Variants in RASGRP1 observed in about 807,000 individuals in gnomAD.
RASGRP1 encodes RAS guanyl releasing protein 1.
Under a neutral mutation model 95.1 loss-of-function variants are expected in RASGRP1, and 37 were observed. That is an observed-to-expected ratio of 0.39 (90% CI 0.30 to 0.51). The LOEUF is 0.51. RASGRP1 is among the 20% of genes least tolerant of loss of function. The pLI is 0.80. For synonymous variants in RASGRP1, 325 were observed against 353.4 expected, an observed-to-expected ratio of 0.92 and a Z score of 0.90; for missense variants, 711 against 965.4, an observed-to-expected ratio of 0.74 and a Z score of 3.49.
intron 2 of RASGRP1, among the ~76,000 whole-genome samples, chr15:38,536,040 C>T (rs928120963): frequency 6.6e-6 from 1 of 152,196 alleles, no homozygotes; most frequent in Non-Finnish European, 1.5e-5. Context: ...TGGGACAACG[C>T]TATGACTTCA....
intron 9 of RASGRP1, among the ~76,000 whole-genome samples, chr15:38,507,323 T>G (rs1404143309): frequency 7.0e-6 from 1 of 143,062 alleles, no homozygotes; most frequent in South Asian, 2.4e-4. Flanking sequence ...ACCCTGGGTG[T>G]TTTTTGTTTG....
chr15:38,501,360 G>C (rs913571010), intron 12 of RASGRP1, 73 bp from the exon 13 acceptor site: 1 of 1,538,550 alleles, frequency 6.5e-7, no homozygotes, highest in African/African-American at 1.4e-5. Flanking sequence ...GGGGCTTCTA[G>C]CCTTAGAAAC....
At chr15:38,506,635 CAAAAAAA>C (rs370153317) in intron 9 of RASGRP1, among the ~76,000 whole-genome samples, 2 of 71,620 alleles carry the variant, frequency 2.8e-5, no homozygotes, top group African/African-American at 5.1e-5. Context: ...ACCTTGTCTC[CAAAAAAA>C]AAAAAAAAAA....
At chr15:38,526,157 C>T (rs577765834) in intron 3 of RASGRP1, 142 bp downstream of exon 3, 893 of 675,792 alleles carry the variant, frequency 1.3e-3, no homozygotes, top group Non-Finnish European at 2.0e-3. Flanking sequence ...ACACATGCAC[C>T]CATACCCCTG....
intron 2 of RASGRP1, among the ~76,000 whole-genome samples, chr15:38,537,352 C>G (rs1892693635): frequency 6.6e-6 from 1 of 152,066 alleles, no homozygotes; most frequent in South Asian, 2.1e-4. Flanking sequence ...AGGAAGCTTA[C>G]AATCATGGTA....
chr15:38,522,036 A>C (rs1358111382), intron 3 of RASGRP1, among the ~76,000 whole-genome samples: 2 of 152,200 alleles, frequency 1.3e-5, no homozygotes, highest in East Asian at 1.9e-4. Flanking sequence ...AAGTTCTTGT[A>C]AATATAAAAA....
At chr15:38,550,392 T>G (rs912180943) in intron 2 of RASGRP1, among the ~76,000 whole-genome samples, 4 of 152,186 alleles carry the variant, frequency 2.6e-5, no homozygotes, top group Admixed American at 1.3e-4. Context: ...TCAAGAATTT[T>G]TAATGGAAGT....
rs1377926983 is a variant in RASGRP1 at position 38,505,820 on chromosome 15, T to G, written c.1323+20A>C. On this transcript the variant is annotated intron_variant, in intron 10 of 16. Coordinates refer to ENST00000310803, the MANE Select transcript of RASGRP1 (RefSeq NM_005739.4). ...TGTAAAGCACCTGTTACATGTGGAGTCTTAATATGAAAAACTCACTGGAGC... is the reference window on the plus strand; with the variant it reads ...TGTAAAGCACCTGTTACATGTGGAGGCTTAATATGAAAAACTCACTGGAGC... 6.4e-7 allele frequency: 1 copy of G among 1,560,282 alleles called. No homozygotes were observed. Among genetic ancestry groups the G allele is most frequent in the Non-Finnish European group, 8.8e-7 (1 of 1,133,622 alleles).
chr15:38,515,943 G>C (rs1482434603), intron 6 of RASGRP1, among the ~76,000 whole-genome samples: 4 of 150,746 alleles, frequency 2.7e-5, no homozygotes, highest in Non-Finnish European at 5.9e-5. Flanking sequence ...TGTGCCCACA[G>C]TATGGTAACT....
chr15:38,493,172 G>A (rs1228296137), intron 16 of RASGRP1, among the ~76,000 whole-genome samples: 3 of 143,808 alleles, frequency 2.1e-5, no homozygotes, highest in African/African-American at 5.1e-5. Context: ...GAGCCACCAC[G>A]CCGGGCCTTT....
chr15:38,530,446 A>G (rs1892390441), intron 2 of RASGRP1, among the ~76,000 whole-genome samples: 1 of 152,232 alleles, frequency 6.6e-6, no homozygotes, highest in South Asian at 2.1e-4. Context: ...GCAATAATGC[A>G]ATCAAACCTA....
Position 38,490,574 on chromosome 15 carries a change from C to T in RASGRP1, c.2374G>A (p.Glu792Lys). The stretch of plus-strand genomic sequence containing the variant: ...CTGGGCTAAGAACAGTCACCCTGCT[C>T]CATTTGAGCTAAGACATGATTGCTT... ...EKSNHVLAQM[E>K]QGDCS The change falls in exon 17 of 17, where the codon GAG becomes AAG. Residue 792 changes from glutamate to lysine, a missense_variant. Around this residue, in one of 3 missense-constraint regions of RASGRP1, gnomAD observed 212 missense variants for 247.8 expected, o/e 0.86. Transcript: ENST00000310803. The T allele has an allele frequency of 6.2e-7, 1 of 1,610,102 alleles. No homozygotes were observed. Among genetic ancestry groups the T allele is most frequent in the Non-Finnish European group, 8.5e-7 (1 of 1,177,430 alleles).
At chr15:38,539,373 G>T (rs1168772998) in intron 2 of RASGRP1, among the ~76,000 whole-genome samples, 3 of 152,144 alleles carry the variant, frequency 2.0e-5, no homozygotes, top group Non-Finnish European at 4.4e-5. Context: ...CTACAATTCT[G>T]CATGATCGAT....
intron 5 of RASGRP1, among the ~76,000 whole-genome samples, chr15:38,517,319 C>T (rs74009821): frequency 0.014 from 2,080 of 152,202 alleles, 50 homozygotes; most frequent in African/African-American, 0.047. Flanking sequence ...ACAAGGAGAG[C>T]TGGGGTTGAG....
chr15:38,550,334 A>G (rs1056636169), intron 2 of RASGRP1, among the ~76,000 whole-genome samples: 1 of 152,084 alleles, frequency 6.6e-6, no homozygotes, highest in Non-Finnish European at 1.5e-5. Context: ...TCTCTTCAGC[A>G]AACCCCATCT....
At chr15:38,500,190 G>A in intron 13 of RASGRP1, 51 bp from the exon 14 acceptor site, 2 of 1,583,436 alleles carry the variant, frequency 1.3e-6, no homozygotes, top group Non-Finnish European at 1.7e-6. Flanking sequence ...CATCTGGTGT[G>A]AGGCTACAAG....
intron 8 of RASGRP1, among the ~76,000 whole-genome samples, chr15:38,510,186 A>G (rs1468977312): frequency 6.6e-6 from 1 of 152,222 alleles, no homozygotes; most frequent in African/African-American, 2.4e-5. Flanking sequence ...TACCGACAGG[A>G]AGCACTGCTG....
intron 16 of RASGRP1, 25 bp from the exon 17 acceptor site, chr15:38,490,713 T>A: frequency 1.3e-6 from 2 of 1,596,538 alleles, no homozygotes; most frequent in Non-Finnish European, 1.7e-6. Flanking sequence ...GAATGAGGTA[T>A]GTTAATAAAG....
At chr15:38,551,906 G>A (rs1016436496) in intron 2 of RASGRP1, among the ~76,000 whole-genome samples, 3 of 152,176 alleles carry the variant, frequency 2.0e-5, no homozygotes, top group African/African-American at 7.2e-5. Context: ...CAAAAGCTTG[G>A]TTATAGACAC....
Sources: gnomAD v4.1 joint callset for allele counts (sites outside exome capture counted in the v4.1 genomes callset) on GRCh38, gnomAD v4.1.1 for gene constraint, gnomAD v4.1.1 regional missense constraint, MANE v1.5 for transcripts, NCBI Gene and HGNC (gene_info 2026-07-23, HGNC 2026-07-21) for gene names.